ARHGAP26: variants seen among roughly 807,000 people sequenced by gnomAD.
ARHGAP26 encodes Rho GTPase activating protein 26.
In ARHGAP26, 38 loss-of-function variants were observed where a neutral mutation model predicts 104.8. The ratio of observed to expected loss-of-function variants is 0.36; its 90% CI spans 0.28 to 0.48. ARHGAP26 has a LOEUF of 0.48. Among genes scored for constraint, ARHGAP26 ranks in the 20% least tolerant of loss-of-function variants. The probability of loss-of-function intolerance (pLI) is 0.99; values close to 1 mark genes in which losing one functional copy is unlikely to be tolerated. For synonymous variants in ARHGAP26, 341 were observed against 340.0 expected, an observed-to-expected ratio of 1.00 and a Z score of -0.03; for missense variants, 704 against 947.9, an observed-to-expected ratio of 0.74 and a Z score of 3.38.
chr5:143,046,763 T>C (rs530623644), intron 14 of ARHGAP26, among the ~76,000 whole-genome samples: 1 of 152,338 alleles, frequency 6.6e-6, no homozygotes, highest in Admixed American at 6.5e-5. Context: ...CTATCTCTCT[T>C]CCTGTCTCTC....
chr5:143,147,311 A>G lies in ARHGAP26; in HGVS notation c.1918A>G (p.Ser640Gly), dbSNP rs1025539992. The change falls in exon 20 of 23, where the codon AGC becomes GGC. Residue 640 changes from serine to glycine, a missense_variant. Physicochemically the swap from Ser to Gly is moderately conservative, Grantham distance 56 (BLOSUM62 0). Transcript: ENST00000645722. ...AAACAGCATCCTTAATTCCAGCAGCAGCTTACAGCCCAACATGAACTCCAG... is the reference window on the plus strand; with the variant it reads ...AAACAGCATCCTTAATTCCAGCAGCGGCTTACAGCCCAACATGAACTCCAG... ...NPNSILNSSS[S>G]LQPNMNSSDP... 10 of 1,614,006 alleles carry G rather than the reference A, an allele frequency of 6.2e-6. No homozygotes were observed. The highest frequency in any genetic ancestry group is 6.8e-6 in the Non-Finnish European group (8 of 1,179,994).
At chr5:142,946,358 C>T (rs1242447010) in intron 11 of ARHGAP26, among the ~76,000 whole-genome samples, 8 of 152,196 alleles carry the variant, frequency 5.3e-5, no homozygotes, top group Non-Finnish European at 1.5e-5. Flanking sequence ...CTCTCACCTC[C>T]AGCAACAGCA....
intron 5 of ARHGAP26, among the ~76,000 whole-genome samples, chr5:142,892,660 G>A (rs996198720): frequency 3.3e-5 from 5 of 152,096 alleles, no homozygotes; most frequent in Middle Eastern, 3.4e-3. Context: ...CTAATATGAC[G>A]TCTGTTTGGC....
chr5:143,181,148 T>C (rs139176027), intron 20 of ARHGAP26, among the ~76,000 whole-genome samples: 110 of 152,326 alleles, frequency 7.2e-4, no homozygotes, highest in African/African-American at 2.6e-3. Context: ...GCTCATTCTC[T>C]ACTCTGAAAC....
At chr5:142,846,783 G>GTCTTGTT (rs532543258) in intron 1 of ARHGAP26, among the ~76,000 whole-genome samples, 46 of 152,300 alleles carry the variant, frequency 3.0e-4, no homozygotes, top group African/African-American at 1.1e-3. Flanking sequence ...ATGTCCTTTA[G>GTCTTGTT]TCTTGTTTTC....
intron 20 of ARHGAP26, among the ~76,000 whole-genome samples, chr5:143,158,684 G>A (rs561745226): frequency 1.3e-5 from 2 of 152,182 alleles, no homozygotes; most frequent in Non-Finnish European, 2.9e-5. Flanking sequence ...TTCTCACTAA[G>A]ACATTGCTTT....
chr5:143,192,514 A>G (rs1806094113), intron 20 of ARHGAP26: 2 of 152,266 alleles, frequency 1.3e-5, no homozygotes. Flanking sequence ...TTAAATGGTT[A>G]TATAAGTAGC....
chr5:143,096,570 T>G (rs1399582761), intron 17 of ARHGAP26, among the ~76,000 whole-genome samples: 1 of 152,248 alleles, frequency 6.6e-6, no homozygotes, highest in Non-Finnish European at 1.5e-5. Flanking sequence ...AACTTCAGTA[T>G]GCAGCAGAGG....
At chr5:142,979,235 C>G (rs559926794) in intron 11 of ARHGAP26, among the ~76,000 whole-genome samples, 4 of 152,332 alleles carry the variant, frequency 2.6e-5, no homozygotes, top group Admixed American at 2.6e-4. Context: ...AATGTTTCTA[C>G]TTTCTGCCTC....
chr5:142,848,235 A>G (rs747959798), intron 1 of ARHGAP26, among the ~76,000 whole-genome samples: 2 of 152,174 alleles, frequency 1.3e-5, no homozygotes, highest in Admixed American at 6.5e-5. Context: ...GTTGCTCTAG[A>G]CACTAGTTTT....
At chr5:142,835,148 ATTTTCT>A (rs1417889394) in intron 1 of ARHGAP26, among the ~76,000 whole-genome samples, 1 of 152,050 alleles carries the variant, frequency 6.6e-6, no homozygotes, top group Non-Finnish European at 1.5e-5. Flanking sequence ...GTACTAAATC[ATTTTCT>A]TTTTCTTGAT....
At chr5:142,909,727 A>G (rs2152473941) in intron 9 of ARHGAP26, among the ~76,000 whole-genome samples, 1 of 152,356 alleles carries the variant, frequency 6.6e-6, no homozygotes, top group African/African-American at 2.4e-5. Flanking sequence ...CCTAGTTTTC[A>G]TGAAATGGAA....
chr5:142,864,771 A>G (rs1443633355), intron 1 of ARHGAP26, among the ~76,000 whole-genome samples: 1 of 152,210 alleles, frequency 6.6e-6, no homozygotes, highest in Non-Finnish European at 1.5e-5. Context: ...AATTCCCACA[A>G]CAGCCCTGTG....
chr5:143,003,774 C>T (rs1282593700), intron 11 of ARHGAP26, among the ~76,000 whole-genome samples: 1 of 151,998 alleles, frequency 6.6e-6, no homozygotes, highest in Non-Finnish European at 1.5e-5. Flanking sequence ...TTAATACTCT[C>T]ATAAGTATTA....
At chr5:143,160,493 T>C (rs1801096347) in intron 20 of ARHGAP26, among the ~76,000 whole-genome samples, 1 of 151,626 alleles carries the variant, frequency 6.6e-6, no homozygotes, top group South Asian at 2.1e-4. Context: ...TTCTTTCTTT[T>C]TTTTTCTTTT....
At chr5:143,014,045 A>G (rs771562231) in intron 11 of ARHGAP26, 35 bp from the exon 12 acceptor site, 19 of 1,611,222 alleles carry the variant, frequency 1.2e-5, no homozygotes, top group Non-Finnish European at 1.6e-5. Context: ...GTGGCATAAA[A>G]TGCACATAAG....
intron 1 of ARHGAP26, among the ~76,000 whole-genome samples, chr5:142,800,383 T>A (rs989539328): frequency 6.6e-6 from 1 of 151,748 alleles, no homozygotes. Flanking sequence ...TTTTTTTTTT[T>A]TCTGAGATGG....
At chr5:142,819,266 A>G (rs1006304735) in intron 1 of ARHGAP26, among the ~76,000 whole-genome samples, 3 of 152,198 alleles carry the variant, frequency 2.0e-5, no homozygotes, top group Non-Finnish European at 4.4e-5. Flanking sequence ...CCCCTGAAGA[A>G]AAGCAGATTG....
Position 142,940,983 on chromosome 5 carries a change from G to A in ARHGAP26, c.1107+8858G>A, listed in dbSNP as rs928814617. ...CCAGCTACTCGGGAGGCTGAGGCAG[G>A]AGAATGGCATGAACCCAGGAGGCGG... is the stretch of plus-strand genomic sequence containing the variant. On this transcript the variant is annotated intron_variant, in intron 11 of 22. Coordinates refer to ENST00000645722, the MANE Select transcript of ARHGAP26 (RefSeq NM_001135608.3). 2.8e-5 allele frequency among the ~76,000 whole-genome samples: 4 copies of A among 141,760 alleles called. No homozygotes were observed. In the East Asian group the frequency reaches 9.2e-4, roughly 33 times the overall value. The allele number at this position is 141,760 out of a possible 152,430, so 93.0% of individuals were successfully genotyped here.
Sources: allele counts gnomAD v4.1 joint callset (sites outside exome capture counted in the v4.1 genomes callset), GRCh38; gene constraint gnomAD v4.1.1; transcripts MANE v1.5; gene names NCBI Gene and HGNC (gene_info 2026-07-23, HGNC 2026-07-21).